The following TBX4 variants were observed in gnomAD, a reference collection of about 807,000 sequenced individuals.
TBX4 encodes the protein T-box transcription factor TBX4.
In TBX4, 13 loss-of-function variants were observed where a neutral mutation model predicts 54.6. That is an observed-to-expected ratio of 0.24 (90% CI 0.15 to 0.38). The LOEUF (loss-of-function observed/expected upper bound fraction) is 0.38, where lower values mean the gene tolerates loss of function less well. TBX4 is among the 10% of genes least tolerant of loss of function. The probability of loss-of-function intolerance (pLI) is 1.00; values close to 1 mark genes in which losing one functional copy is unlikely to be tolerated. For missense variants in TBX4, 631 were observed against 728.5 expected, an observed-to-expected ratio of 0.87 and a Z score of 1.54; for synonymous variants, 314 against 306.7, an observed-to-expected ratio of 1.02 and a Z score of -0.25.
At chr17:61,473,929 C>T (rs1401683389) in intron 5 of TBX4, among the ~76,000 whole-genome samples, 1 of 152,216 alleles carries the variant, frequency 6.6e-6, no homozygotes, top group Non-Finnish European at 1.5e-5. Context: ...CCCAGTGTTG[C>T]TCGCATGGGA....
rs964480835 is a variant in TBX4, at chr17:61,452,453, G to C, written c.-128G>C. ...GGGATGTGTCCAGCCCCGAGGGCAC[G>C]GCAGGCAGCTGGACCCTGACCCAGC... On this transcript the variant is annotated 5_prime_UTR_variant, in exon 1 of 9. Coordinates refer to ENST00000644296, the MANE Select transcript of TBX4 (RefSeq NM_001321120.2). 2.0e-5 allele frequency: 3 copies of C among 152,314 alleles called. No homozygotes were observed. Among genetic ancestry groups the C allele is most frequent in the African/African-American group, 7.2e-5 (3 of 41,472 alleles). The allele number at this position is 152,314 out of a possible 1,614,324, so 9.4% of individuals were successfully genotyped here.
chr17:61,458,710 A>G (rs562529860), intron 3 of TBX4, among the ~76,000 whole-genome samples: 1 of 152,298 alleles, frequency 6.6e-6, no homozygotes, highest in South Asian at 2.1e-4. Flanking sequence ...TGCCTCATAC[A>G]TTGTATGTAA....
At position 61,478,761 on chromosome 17, in the gene TBX4, C is replaced by T; in HGVS notation, c.684C>T (p.Thr228=). The T allele has an allele frequency of 1.2e-6, 2 of 1,614,184 alleles. No individual in the cohort carries two copies. The highest frequency in any genetic ancestry group is 1.7e-6 in the Non-Finnish European group (2 of 1,180,036). ...VFPETSFISV[T]SYQNHKITQL... ...CAGAGACCTCCTTCATCTCTGTGAC[C>T]TCCTACCAGAATCACAAGGTACAGC... Residue 228 remains threonine, a synonymous_variant, in exon 6 of 9, where the codon ACC becomes ACT. Coordinates refer to ENST00000644296, the MANE Select transcript of TBX4 (RefSeq NM_001321120.2). This position sits in a 1 kb window ranked among gnomAD's most constrained non-coding sequence, Gnocchi z 7.4.
At chr17:61,456,455 G>T in intron 1 of TBX4, 33 bp from the exon 2 acceptor site, 7 of 1,552,064 alleles carry the variant, frequency 4.5e-6, no homozygotes, top group Non-Finnish European at 6.1e-6. Flanking sequence ...GTGTGGACCT[G>T]GGCGAGTGAC....
At position 61,480,192 on chromosome 17, in the gene TBX4, G is replaced by C. The variant is rs1219889401; in HGVS notation, c.894G>C (p.Gln298His). The C allele has an allele frequency of 6.8e-6, 11 of 1,613,700 alleles. No individual in the cohort carries two copies. The highest frequency in any genetic ancestry group is 9.3e-6 in the Non-Finnish European group (11 of 1,179,742). The change falls in exon 8 of 9, where the codon CAG becomes CAC. Residue 298 changes from glutamine to histidine, a missense_variant. Physicochemically the swap from Gln to His is conservative, Grantham distance 24 (BLOSUM62 0). Coordinates refer to ENST00000644296, the MANE Select transcript of TBX4 (RefSeq NM_001321120.2). This position sits in a 1 kb window ranked among gnomAD's most constrained non-coding sequence, Gnocchi z 6.2. Reference protein sequence around the residue: ...PDVGPLLGTHQALQHYQHENG... With the variant: ...PDVGPLLGTHHALQHYQHENG... Reference sequence around the variant, plus strand: ...TGGGCCCCCTGCTCGGCACCCACCAGGCACTCCAGCACTACCAGCACGAGA... The same window carrying C: ...TGGGCCCCCTGCTCGGCACCCACCACGCACTCCAGCACTACCAGCACGAGA...
chr17:61,474,471 G>A lies in TBX4; in HGVS notation c.550-4156G>A, dbSNP rs750265220. Among the ~76,000 whole-genome samples, 19 of 152,292 alleles carry A rather than the reference G, an allele frequency of 1.2e-4. No homozygotes were observed. Among genetic ancestry groups the A allele is most frequent in the East Asian group, 9.6e-4 (5 of 5,184 alleles). ...TCTGTAAAATTAGAGAGCTGGACACGAATGATCTCAATGGCCTGCCTCTCC... is the reference window on the plus strand; with the variant it reads ...TCTGTAAAATTAGAGAGCTGGACACAAATGATCTCAATGGCCTGCCTCTCC... On this transcript the variant is annotated intron_variant, in intron 5 of 8. Coordinates refer to ENST00000644296, the MANE Select transcript of TBX4 (RefSeq NM_001321120.2). The surrounding 1 kb of genome is among the most constrained non-coding windows in gnomAD (Gnocchi z 4.6).
rs1349858834 is a variant in TBX4 at position 61,462,367 on chromosome 17, A to C, written c.282-3452A>C. Among the ~76,000 whole-genome samples, 1 of 150,898 alleles carries C rather than the reference A, an allele frequency of 6.6e-6. No homozygotes were observed. ...CCGTGGGGAGGGCGGGGGAGCCCCC[A>C]TCTGTCTGGGGGCGCGGGAGCCCGA... On this transcript the variant is annotated intron_variant, in intron 3 of 8. Transcript: ENST00000644296. This position sits in a 1 kb window ranked among gnomAD's most constrained non-coding sequence, Gnocchi z 4.5.
chr17:61,455,186 T>C (rs1480724988), intron 1 of TBX4, among the ~76,000 whole-genome samples: 3 of 152,214 alleles, frequency 2.0e-5, no homozygotes, highest in Non-Finnish European at 4.4e-5. Flanking sequence ...TGGGTTGCAC[T>C]TGGCTTGTTT....
chr17:61,466,855 CAT>C (rs1333555494), intron 4 of TBX4, among the ~76,000 whole-genome samples: 1 of 152,214 alleles, frequency 6.6e-6, no homozygotes, highest in African/African-American at 2.4e-5. Flanking sequence ...TAATTTATAA[CAT>C]GTGACAATCA....
intron 8 of TBX4, 47 bp from the exon 9 acceptor site, chr17:61,482,850 C>G: frequency 6.2e-7 from 1 of 1,605,972 alleles, no homozygotes; most frequent in Non-Finnish European, 8.5e-7. Flanking sequence ...GCTCTGGGGC[C>G]TGGGCTGGTG....
Position 61,456,598 on chromosome 17 carries a change from G to T in TBX4, c.108G>T (p.Ala36=), listed in dbSNP as rs886053186. 4 of 1,521,342 alleles carry T rather than the reference G, an allele frequency of 2.6e-6. No individual in the cohort carries two copies. Among genetic ancestry groups the T allele is most frequent in the Admixed American group, 4.1e-5 (2 of 48,270 alleles). The allele number at this position is 1,521,342 out of a possible 1,614,324, so 94.2% of individuals were successfully genotyped here. A position where few individuals can be genotyped will look rare whatever the true frequency, so the allele number is the denominator to read the frequency against. Residue 36 remains alanine (A), a synonymous_variant, in exon 2 of 9, where the codon GCG becomes GCT. Coordinates refer to ENST00000644296, the MANE Select transcript of TBX4 (RefSeq NM_001321120.2). The stretch of plus-strand genomic sequence containing the variant: ...ACGCCCCCGAGCCCGCGCTGGCAGC[G>T]CCGGGCCTCAGCGGAGCCGCGCTAG... ...AANAPEPALA[A]PGLSGAALGS... is the part of the protein sequence containing the mutation.
chr17:61,459,328 G>A lies in TBX4; in HGVS notation c.281+1697G>A, dbSNP rs2060477752. On this transcript the variant is annotated intron_variant, in intron 3 of 8. Coordinates refer to ENST00000644296, the MANE Select transcript of TBX4 (RefSeq NM_001321120.2). The surrounding 1 kb of genome is among the most constrained non-coding windows in gnomAD (Gnocchi z 4.8). ...TCTATCACTGTGAAACTCAAACCAG[G>A]GAATCACGTGGATGATGGTTGGTAA... 1.3e-5 allele frequency among the ~76,000 whole-genome samples: 2 copies of A among 152,196 alleles called. No individual in the cohort carries two copies. The highest frequency in any genetic ancestry group is 2.9e-5 in the Non-Finnish European group (2 of 68,042).
At chr17:61,468,907 C>T (rs2060555728) in intron 5 of TBX4, among the ~76,000 whole-genome samples, 1 of 152,170 alleles carries the variant, frequency 6.6e-6, no homozygotes, top group Admixed American at 6.5e-5. Context: ...TCCCAGTCAA[C>T]TCCTACCCAA....
rs998194642 is a variant in TBX4 at position 61,474,754 on chromosome 17, T to A, written c.550-3873T>A. Among the ~76,000 whole-genome samples the A allele has an allele frequency of 6.6e-6, 1 of 152,158 alleles. No homozygotes were observed. Among genetic ancestry groups the A allele is most frequent in the African/African-American group, 2.4e-5 (1 of 41,416 alleles). ...TCTGCAGCAAATATAAATGTGAAAC[T>A]CTGGCAAAGTAGTTTAATGTGGCGC... On this transcript the variant is annotated intron_variant, in intron 5 of 8. Coordinates refer to ENST00000644296, the MANE Select transcript of TBX4 (RefSeq NM_001321120.2). This position sits in a 1 kb window ranked among gnomAD's most constrained non-coding sequence, Gnocchi z 4.6.
In TBX4 at chr17:61,461,145, C is replaced by A. The variant is rs1157472868; in HGVS notation, c.281+3514C>A. 6.6e-6 allele frequency among the ~76,000 whole-genome samples: 1 copy of A among 152,022 alleles called. No homozygotes were observed. Among genetic ancestry groups the A allele is most frequent in the Non-Finnish European group, 1.5e-5 (1 of 67,990 alleles). ...AGCAAAAGTCTATCAGAAGGAAGTG[C>A]CTTTAAAAAAAATCTAAGAGAAGCA... On this transcript the variant is annotated intron_variant, in intron 3 of 8. Transcript: ENST00000644296. The surrounding 1 kb of genome is among the most constrained non-coding windows in gnomAD (Gnocchi z 5.1).
chr17:61,478,460 C>T lies in TBX4; in HGVS notation c.550-167C>T, dbSNP rs2060638175. The T allele has an allele frequency of 3.5e-6, 3 of 868,946 alleles. No homozygotes were observed. Among genetic ancestry groups the T allele is most frequent in the Non-Finnish European group, 3.6e-6 (2 of 552,584 alleles). 53.8% of individuals were successfully genotyped at this position (868,946 alleles called of 1,614,324 possible). On this transcript the variant is annotated intron_variant, in intron 5 of 8. Coordinates refer to ENST00000644296, the MANE Select transcript of TBX4 (RefSeq NM_001321120.2). This position sits in a 1 kb window ranked among gnomAD's most constrained non-coding sequence, Gnocchi z 7.4. The stretch of plus-strand genomic sequence containing the variant: ...GCTGGGGTGGGGAGAGTTTGGGGCC[C>T]AGGGGCCTGGTTCTTCACTTGGGAG...
chr17:61,465,843 A>G lies in TBX4; in HGVS notation c.306A>G (p.Val102=), dbSNP rs370004814. ...AGRRMFPSYK[V]KVTGMNPKTK... is the part of the protein sequence containing the mutation. ...GGAGGATGTTCCCCAGCTACAAGGT[A>G]AAAGTCACAGGCATGAACCCCAAGA... The change falls in exon 4 of 9, where the codon GTA becomes GTG. Residue 102 remains valine, a synonymous_variant. Transcript: ENST00000644296. This position sits in a 1 kb window ranked among gnomAD's most constrained non-coding sequence, Gnocchi z 4.9. 1.1e-4 allele frequency: 176 copies of G among 1,614,122 alleles called. No individual in the cohort carries two copies. The highest frequency in any genetic ancestry group is 4.4e-5 in the Non-Finnish European group (52 of 1,179,970).
chr17:61,466,833 C>T (rs2143823612), intron 4 of TBX4, among the ~76,000 whole-genome samples: 1 of 152,338 alleles, frequency 6.6e-6, no homozygotes, highest in South Asian at 2.1e-4. Flanking sequence ...GAGAAGCTCC[C>T]TCTAAATAAT....
rs2060491491 is a variant in TBX4 at position 61,461,067 on chromosome 17, G to C, written c.281+3436G>C. Among the ~76,000 whole-genome samples, 1 of 152,212 alleles carries C rather than the reference G, an allele frequency of 6.6e-6. No homozygotes were observed. The highest frequency in any genetic ancestry group is 6.5e-5 in the Admixed American group (1 of 15,286). On this transcript the variant is annotated intron_variant, in intron 3 of 8. Transcript: ENST00000644296. The surrounding 1 kb of genome is among the most constrained non-coding windows in gnomAD (Gnocchi z 5.1). ...GAGAAGTAAGGGTTGAAGACACTGG[G>C]AAAGTGGGTTGGGGAGAGAGTGCTT...
Sources: gnomAD v4.1 joint callset for allele counts (sites outside exome capture counted in the v4.1 genomes callset) on GRCh38, gnomAD v4.1.1 for gene constraint, Gnocchi (gnomAD v3.1) non-coding constraint, MANE v1.5 for transcripts, NCBI Gene and HGNC (gene_info 2026-07-23, HGNC 2026-07-21) for gene names.